The following MTHFD1L variants were observed in gnomAD, a reference collection of about 807,000 sequenced individuals.
MTHFD1L encodes methylenetetrahydrofolate dehydrogenase (NADP+ dependent) 1 like.
MTHFD1L carries 81 observed loss-of-function variants against 119.5 expected under a neutral mutation model. The ratio of observed to expected loss-of-function variants is 0.68; its 90% confidence interval spans 0.57 to 0.82. The LOEUF is 0.82. Ranked by LOEUF, MTHFD1L falls within the 40% of genes least tolerant of loss-of-function variation. The pLI is 0.00. For synonymous variants in MTHFD1L, 430 were observed against 475.2 expected (o/e 0.90, Z 1.24); for missense variants, 1,125 against 1,253.4 (o/e 0.90, Z 1.55).
chr6:150,911,179 A>G (rs935167567), intron 8 of MTHFD1L, among the ~76,000 whole-genome samples: 2 of 152,210 alleles, frequency 1.3e-5, no homozygotes, highest in African/African-American at 2.4e-5. Context: ...GTAAAGGTTC[A>G]TGTCATTTAG....
chr6:150,890,498 C>G (rs552690058), intron 7 of MTHFD1L, among the ~76,000 whole-genome samples: 71 of 152,216 alleles, frequency 4.7e-4, no homozygotes, highest in Non-Finnish European at 8.5e-4. Context: ...GACAGTATCC[C>G]TCCCTGAGCA....
chr6:150,960,689 C>A (rs1796305648), intron 18 of MTHFD1L, among the ~76,000 whole-genome samples: 1 of 152,140 alleles, frequency 6.6e-6, no homozygotes, highest in South Asian at 2.1e-4. Context: ...ATCTCTGCTT[C>A]TGCCTGGGCT....
intron 20 of MTHFD1L, among the ~76,000 whole-genome samples, chr6:151,004,076 C>T (rs1781037603): frequency 6.7e-6 from 1 of 150,278 alleles, no homozygotes; most frequent in Non-Finnish European, 1.5e-5. Flanking sequence ...CTGGCCAGGA[C>T]TCACGCCTGT....
chr6:151,049,207 T>A (rs1788592317), intron 26 of MTHFD1L, among the ~76,000 whole-genome samples: 1 of 152,054 alleles, frequency 6.6e-6, no homozygotes, highest in Non-Finnish European at 1.5e-5. Context: ...AATACAAAGA[T>A]TAGGCCGGGC....
intron 24 of MTHFD1L, among the ~76,000 whole-genome samples, chr6:151,028,650 G>A (rs991213784): frequency 5.9e-5 from 9 of 152,166 alleles, no homozygotes; most frequent in African/African-American, 2.2e-4. Context: ...GGGGCCAAGG[G>A]GAGGGGCATG....
intron 18 of MTHFD1L, among the ~76,000 whole-genome samples, chr6:150,964,220 G>A (rs1266213408): frequency 6.6e-6 from 1 of 152,048 alleles, no homozygotes; most frequent in Non-Finnish European, 1.5e-5. Context: ...TTAGCCTTGT[G>A]GCCTTTTTTT....
chr6:150,908,536 A>G (rs1021220822), intron 8 of MTHFD1L, among the ~76,000 whole-genome samples: 3 of 151,660 alleles, frequency 2.0e-5, no homozygotes, highest in Non-Finnish European at 4.4e-5. Flanking sequence ...CTGAGGCAGG[A>G]GAATGGCTTG....
chr6:151,099,286 G>A (rs963872460), intron 27 of MTHFD1L, among the ~76,000 whole-genome samples: 1 of 151,888 alleles, frequency 6.6e-6, no homozygotes, highest in African/African-American at 2.4e-5. Flanking sequence ...CACCTCTGGA[G>A]CATGGAAGGC....
chr6:151,000,133 A>T (rs765554838), intron 20 of MTHFD1L, among the ~76,000 whole-genome samples: 8 of 152,162 alleles, frequency 5.3e-5, no homozygotes, highest in Non-Finnish European at 1.0e-4. Context: ...AGGTCAAGAC[A>T]TTGAGACCAT....
intron 24 of MTHFD1L, among the ~76,000 whole-genome samples, chr6:151,028,614 G>C (rs1249691952): frequency 6.6e-6 from 1 of 152,176 alleles, no homozygotes; most frequent in African/African-American, 2.4e-5. Context: ...CACATTCATA[G>C]ACAGGAAGTA....
chr6:150,916,777 T>G (rs1413095669), intron 8 of MTHFD1L, among the ~76,000 whole-genome samples: 20 of 77,626 alleles, frequency 2.6e-4, no homozygotes, highest in Non-Finnish European at 4.3e-4. Context: ...TTTTTTTTTT[T>G]TTGAGGTGGA....
intron 24 of MTHFD1L, among the ~76,000 whole-genome samples, chr6:151,026,013 T>C (rs987211267): frequency 6.6e-6 from 1 of 152,244 alleles, no homozygotes; most frequent in African/African-American, 2.4e-5. Flanking sequence ...CCATTTCATT[T>C]TATTTTGTCC....
intron 7 of MTHFD1L, among the ~76,000 whole-genome samples, chr6:150,893,368 A>G (rs573363459): frequency 5.1e-4 from 77 of 152,302 alleles, no homozygotes; most frequent in South Asian, 1.5e-3. Flanking sequence ...CCTGGCCCAC[A>G]TGGGGATTTT....
intron 26 of MTHFD1L, among the ~76,000 whole-genome samples, chr6:151,089,739 T>A (rs917670231): frequency 2.0e-5 from 3 of 152,226 alleles, no homozygotes; most frequent in Non-Finnish European, 4.4e-5. Flanking sequence ...TACCCTTGTG[T>A]TTGATGTTTC....
Position 150,948,004 on chromosome 6 carries a change from T to C in MTHFD1L, c.1624-1027T>C, listed in dbSNP as rs535766911. On this transcript the variant is annotated intron_variant, in intron 15 of 27. Coordinates refer to ENST00000367321, the MANE Select transcript of MTHFD1L (RefSeq NM_015440.5). ...TTAGTTTAGTTTTTTTTTGTTTGTT[T>C]TTTGTTTTTTGTTTTTTTTTGAGAC... Among the ~76,000 whole-genome samples the C allele has an allele frequency of 2.2e-4, 34 of 152,070 alleles. 1 individual carries two copies. The East Asian group carries it at 5.0e-3, about 22-fold the overall frequency.
At chr6:150,941,535 A>G (rs1378670810) in intron 13 of MTHFD1L, among the ~76,000 whole-genome samples, 1 of 152,232 alleles carries the variant, frequency 6.6e-6, no homozygotes, top group African/African-American at 2.4e-5. Context: ...GCCTAGGGAA[A>G]GATGTCAGTG....
At chr6:150,991,184 A>G (rs1052345220) in intron 20 of MTHFD1L, among the ~76,000 whole-genome samples, 2 of 152,176 alleles carry the variant, frequency 1.3e-5, no homozygotes, top group Non-Finnish European at 2.9e-5. Context: ...GCTTTGTATC[A>G]CAATATATTC....
At chr6:150,909,772 C>T (rs887199312) in intron 8 of MTHFD1L, among the ~76,000 whole-genome samples, 6 of 152,282 alleles carry the variant, frequency 3.9e-5, no homozygotes, top group Non-Finnish European at 7.3e-5. Flanking sequence ...TCATTTTAAG[C>T]TAATGTAATT....
chr6:150,990,642 A>G (rs1778946306), intron 20 of MTHFD1L, among the ~76,000 whole-genome samples: 1 of 151,152 alleles, frequency 6.6e-6, no homozygotes, highest in Non-Finnish European at 1.5e-5. Flanking sequence ...TGTATTTTTT[A>G]GTAGAGACAG....
Sources: gnomAD v4.1 joint callset for allele counts (sites outside exome capture counted in the v4.1 genomes callset) on GRCh38, gnomAD v4.1.1 for gene constraint, MANE v1.5 for transcripts, NCBI Gene and HGNC (gene_info 2026-07-23, HGNC 2026-07-21) for gene names.